The following SMIM22 variants were observed in gnomAD, a reference collection of about 807,000 sequenced individuals.
The protein encoded by SMIM22 is cancer associated small integral membrane open reading frame 1.
SMIM22 carries 16 observed loss-of-function variants against 8.4 expected under a neutral mutation model. The ratio of observed to expected loss-of-function variants is 1.90; its 90% CI spans 1.29 to 2.89. The LOEUF is 2.89. Among genes scored for constraint, SMIM22 ranks in the 30% most tolerant of loss-of-function variants. SMIM22 has a pLI of 0.00. For missense variants in SMIM22, 159 were observed against 107.5 expected, an observed-to-expected ratio of 1.48 and a Z score of -2.12; for synonymous variants, 67 against 47.6, an observed-to-expected ratio of 1.41 and a Z score of -1.68.
upstream of SMIM22, among the ~76,000 whole-genome samples, chr16:4,794,581 T>A (rs1041300612): frequency 6.6e-5 from 10 of 152,200 alleles, no homozygotes; most frequent in African/African-American, 2.2e-4. Context: ...CCACCACGCC[T>A]GGCTAATTTT....
chr16:4,795,626 G>T, intron 1 of SMIM22, 89 bp from the exon 2 acceptor site: 2 of 1,440,024 alleles, frequency 1.4e-6, no homozygotes, highest in Non-Finnish European at 1.8e-6. Flanking sequence ...GGCCAGGAGC[G>T]GGCAGTGGCT....
chr16:4,795,591 G>A, intron 1 of SMIM22, 124 bp from the exon 2 acceptor site: 2 of 1,203,482 alleles, frequency 1.7e-6, no homozygotes, highest in South Asian at 1.6e-5. Flanking sequence ...AAGTGGAGTG[G>A]GAGGGGGTGG....
At chr16:4,795,495 G>A in intron 1 of SMIM22, 46 bp downstream of exon 1, 1 of 573,122 alleles carries the variant, frequency 1.7e-6, no homozygotes, top group South Asian at 2.1e-5. Flanking sequence ...AGAGAGAGGG[G>A]AGATGACAGT....
At position 4,796,126 on chromosome 16, in the gene SMIM22, G is replaced by C. The variant is rs1160608361; in HGVS notation, c.226-64G>C. The C allele has an allele frequency of 3.9e-6, 6 of 1,535,718 alleles. No homozygotes were observed. The Admixed American group carries it at 7.9e-5, about 20-fold the overall frequency. On this transcript the variant is annotated intron_variant, in intron 3 of 3. Transcript: ENST00000586005. ...CGGAAGGTGAGGGGAGTGGCGGGAA[G>C]GGTGCTCATCCCCCTAGGGAACAAC...
chr16:4,796,055 C>G lies in SMIM22; in HGVS notation c.225+7C>G, dbSNP rs2082638598. ...GAAGGTGAGCCCCTGGAAGGTGAGCCCTGCCGGCCTCTGGGACCTGCACGG... is the reference window on the plus strand; with the variant it reads ...GAAGGTGAGCCCCTGGAAGGTGAGCGCTGCCGGCCTCTGGGACCTGCACGG... On this transcript the variant is annotated splice_region_variant and intron_variant, in intron 3 of 3. Transcript: ENST00000586005. 2.0e-6 allele frequency: 3 copies of G among 1,531,680 alleles called. No homozygotes were observed. The East Asian group carries it at 7.4e-5, about 38-fold the overall frequency. 94.9% of individuals were successfully genotyped at this position (1,531,680 alleles called of 1,614,324 possible).
upstream of SMIM22, among the ~76,000 whole-genome samples, chr16:4,790,840 G>A (rs142336708): frequency 3.0e-4 from 46 of 152,310 alleles, no homozygotes; most frequent in East Asian, 7.9e-3. Context: ...AGGCTTAGAG[G>A]TTAAGGGTGG....
chr16:4,788,600 C>G (rs1051588374), intron 1 of SMIM22: 1 of 152,226 alleles, frequency 6.6e-6, no homozygotes, highest in African/African-American at 2.4e-5. Context: ...CCAGGCCCCA[C>G]AGCTGGCTAG....
chr16:4,791,381 G>C (rs1406786716), upstream of SMIM22, among the ~76,000 whole-genome samples: 1 of 152,212 alleles, frequency 6.6e-6, no homozygotes, highest in Admixed American at 6.5e-5. Context: ...GGCGATAATA[G>C]CACAGGGCAT....
upstream of SMIM22, among the ~76,000 whole-genome samples, chr16:4,791,271 C>G (rs575778154): frequency 4.9e-4 from 75 of 152,018 alleles, no homozygotes; most frequent in Non-Finnish European, 9.4e-4. Flanking sequence ...GGAAGGTGCT[C>G]CCGGTGGTGT....
At chr16:4,788,510 C>T (rs1404306356) in exon 1 of SMIM22, 1 of 152,206 alleles carries the variant, frequency 6.6e-6, no homozygotes, top group Non-Finnish European at 1.5e-5. Context: ...CAAGTAGAAC[C>T]AGGGGCCCAA....
At position 4,795,407 on chromosome 16, in the gene SMIM22, C is replaced by T. The variant is rs2082618215; in HGVS notation, c.-63C>T. The T allele has an allele frequency of 2.9e-6, 1 of 343,620 alleles. No individual in the cohort carries two copies. Among genetic ancestry groups the T allele is most frequent in the Non-Finnish European group, 5.5e-6 (1 of 183,474 alleles). 21.3% of individuals were successfully genotyped at this position (343,620 alleles called of 1,614,324 possible). A position where few individuals can be genotyped will look rare whatever the true frequency, so the allele number is the denominator to read the frequency against. ...CCGGAAGCAGGAAGCAGCCTGTGCT[C>T]CCCAGGACCTGCCTGGTTGGGGGAA... On this transcript the variant is annotated 5_prime_UTR_variant, in exon 1 of 4. Transcript: ENST00000586005.
upstream of SMIM22, among the ~76,000 whole-genome samples, chr16:4,792,628 C>G (rs2082569411): frequency 6.6e-6 from 1 of 150,908 alleles, no homozygotes; most frequent in Non-Finnish European, 1.5e-5. Flanking sequence ...ATGGTGAAAC[C>G]CCGTCTCTAC....
chr16:4,790,303 C>T (rs2082532213), intron 2 of SMIM22, among the ~76,000 whole-genome samples: 1 of 152,150 alleles, frequency 6.6e-6, no homozygotes, highest in South Asian at 2.1e-4. Context: ...GAGAAAGTCG[C>T]CACAGACAAT....
intron 3 of SMIM22, 60 bp from the exon 4 acceptor site, chr16:4,796,130 G>A: frequency 6.5e-7 from 1 of 1,535,894 alleles, no homozygotes. Context: ...CGGGAAGGGT[G>A]CTCATCCCCC....
At chr16:4,791,993 T>C (rs1424358644), upstream of SMIM22, among the ~76,000 whole-genome samples, 4 of 151,116 alleles carry the variant, frequency 2.6e-5, no homozygotes, top group African/African-American at 9.7e-5. Flanking sequence ...GGCCTGACTT[T>C]GTCTTTTAAC....
At chr16:4,789,026 GTTGT>G (rs940543145) in intron 2 of SMIM22, among the ~76,000 whole-genome samples, 6 of 152,082 alleles carry the variant, frequency 3.9e-5, no homozygotes, top group African/African-American at 9.7e-5. Context: ...TTCTTTTTTT[GTTGT>G]TTGTTTTTGA....
At chr16:4,789,324 C>A (rs1444874472) in intron 2 of SMIM22, among the ~76,000 whole-genome samples, 1 of 150,492 alleles carries the variant, frequency 6.6e-6, no homozygotes. Flanking sequence ...TTCTTTTTTC[C>A]TTTTTTTCTT....
rs1157112957 is a variant in SMIM22 at position 4,795,613 on chromosome 16, C to T, written c.-20-102C>T. The T allele has an allele frequency of 5.0e-6, 7 of 1,395,738 alleles. No homozygotes were observed. The African/African-American group carries it at 1.0e-4, about 20-fold the overall frequency. The allele number at this position is 1,395,738 out of a possible 1,614,324, so 86.5% of individuals were successfully genotyped here. ...GTGGGAGGGGGTGGGGAAGCTGGCG[C>T]TGGGCCAGGAGCGGGCAGTGGCTGG... is the stretch of plus-strand genomic sequence containing the variant. On this transcript the variant is annotated intron_variant, in intron 1 of 3. Coordinates refer to ENST00000586005, the MANE Select transcript of SMIM22 (RefSeq NM_001253794.2).
rs1460466959 is a variant in SMIM22, at chr16:4,795,794, G to A, written c.60G>A (p.Lys20=). ...TTCAGGAAGTCCTGGGGAGACTGAA[G>A]AGCCACCAGTTTTTCCAGTCCACAT... ...ATVQEVLGRL[K]SHQFFQSTWD... The change falls in exon 2 of 4, where the codon AAG becomes AAA. Residue 20 remains lysine (K), a synonymous_variant. Transcript: ENST00000586005. 2.0e-6 allele frequency: 3 copies of A among 1,535,876 alleles called. No homozygotes were observed. The highest frequency in any genetic ancestry group is 2.6e-6 in the Non-Finnish European group (3 of 1,146,826).
Sources: gnomAD v4.1 joint callset for allele counts (sites outside exome capture counted in the v4.1 genomes callset) on GRCh38, gnomAD v4.1.1 for gene constraint, MANE v1.5 for transcripts, NCBI Gene and HGNC (gene_info 2026-07-23, HGNC 2026-07-21) for gene names.